PRKN: variants seen among roughly 807,000 people sequenced by gnomAD.
PRKN encodes the protein parkin RBR E3 ubiquitin protein ligase.
Under a neutral mutation model 59.5 loss-of-function variants are expected in PRKN, and 56 were observed. That is an observed-to-expected ratio of 0.94 (90% CI 0.76 to 1.18). The LOEUF is 1.18. Among genes scored for constraint, PRKN ranks in the 50% most tolerant of loss-of-function variants. PRKN has a pLI of 0.00. For missense variants in PRKN, 657 were observed against 596.4 expected, an observed-to-expected ratio of 1.10 and a Z score of -1.06; for synonymous variants, 250 against 222.1, an observed-to-expected ratio of 1.13 and a Z score of -1.12.
chr6:161,746,181 A>C, intron 7 of PRKN, among the ~76,000 whole-genome samples: 1 of 152,186 alleles, frequency 6.6e-6, no homozygotes, highest in East Asian at 1.9e-4. Flanking sequence ...TGAAACTAAG[A>C]TGTAAATACA....
chr6:161,735,185 C>T (rs1787913492), intron 7 of PRKN, among the ~76,000 whole-genome samples: 1 of 151,146 alleles, frequency 6.6e-6, no homozygotes, highest in Non-Finnish European at 1.5e-5. Context: ...TACAGTTGAC[C>T]CTTGGATGAC....
At chr6:161,900,909 A>ATT (rs1355409254) in intron 6 of PRKN, among the ~76,000 whole-genome samples, 3 of 106,894 alleles carry the variant, frequency 2.8e-5, no homozygotes, top group African/African-American at 1.1e-4. Flanking sequence ...CATATGTTAA[A>ATT]TTGTATATAT....
Position 161,592,611 on chromosome 6 carries a change from C to T in PRKN, c.872-23195G>A, listed in dbSNP as rs568667688. ...CTCCACTAGATGATACTTAAGTACA[C>T]AAACTAAAGAGAGAAAACCCTAAGG... On this transcript the variant is annotated intron_variant, in intron 7 of 11. Transcript: ENST00000366898. This position sits in a 1 kb window ranked among gnomAD's most constrained non-coding sequence, Gnocchi z 4.8. 6.6e-6 allele frequency among the ~76,000 whole-genome samples: 1 copy of T among 152,140 alleles called. No homozygotes were observed. Among genetic ancestry groups the T allele is most frequent in the Non-Finnish European group, 1.5e-5 (1 of 67,998 alleles).
rs1391631656 is a variant in PRKN, at chr6:161,397,339, C to G, written c.1084-10462G>C. ...TGTACTCCATGATACAATGCACAAT[C>G]ATGGGTTGAATTGAGTATTCTTGTG... is the stretch of plus-strand genomic sequence containing the variant. On this transcript the variant is annotated intron_variant, in intron 9 of 11. Coordinates refer to ENST00000366898, the MANE Select transcript of PRKN (RefSeq NM_004562.3). The surrounding 1 kb of genome is among the most constrained non-coding windows in gnomAD (Gnocchi z 4.2). 6.6e-6 allele frequency among the ~76,000 whole-genome samples: 1 copy of G among 152,202 alleles called. No individual in the cohort carries two copies. Among genetic ancestry groups the G allele is most frequent in the Non-Finnish European group, 1.5e-5 (1 of 68,040 alleles).
At chr6:161,901,769 G>A (rs1295453986) in intron 6 of PRKN, among the ~76,000 whole-genome samples, 2 of 152,186 alleles carry the variant, frequency 1.3e-5, no homozygotes, top group Non-Finnish European at 2.9e-5. Flanking sequence ...AAGACTCAGT[G>A]ATTTATGCAT....
intron 2 of PRKN, among the ~76,000 whole-genome samples, chr6:162,265,429 C>T (rs760929614): frequency 6.6e-6 from 1 of 152,076 alleles, no homozygotes; most frequent in Non-Finnish European, 1.5e-5. Context: ...AGTAGCTCAC[C>T]CCTATAATCC....
intron 2 of PRKN, among the ~76,000 whole-genome samples, chr6:162,318,055 T>C (rs2128120516): frequency 6.6e-6 from 1 of 152,118 alleles, no homozygotes; most frequent in East Asian, 2.0e-4. Context: ...TCCATACCCA[T>C]TAAACACTCA....
At chr6:162,314,978 A>T (rs1782686412) in intron 2 of PRKN, among the ~76,000 whole-genome samples, 2 of 152,166 alleles carry the variant, frequency 1.3e-5, no homozygotes, top group South Asian at 4.1e-4. Flanking sequence ...TTCACAGTAG[A>T]TCACCAGGGT....
intron 4 of PRKN, among the ~76,000 whole-genome samples, chr6:162,081,186 A>G (rs1410158407): frequency 6.6e-6 from 1 of 151,900 alleles, no homozygotes; most frequent in Non-Finnish European, 1.5e-5. Flanking sequence ...ATTAATCTTC[A>G]TATTTTGACC....
rs960279743 is a variant in PRKN, at chr6:162,165,048, A to C, written c.534+36083T>G. Among the ~76,000 whole-genome samples, 3 of 148,644 alleles carry C rather than the reference A, an allele frequency of 2.0e-5. 1 individual carries two copies. The highest frequency in any genetic ancestry group is 4.5e-5 in the Non-Finnish European group (3 of 67,288). ...CAGGCTTATTTGGAATTTAGGGCTC[A>C]GAAATAGACCTACACATACATGACA... On this transcript the variant is annotated intron_variant, in intron 4 of 11. Coordinates refer to ENST00000366898, the MANE Select transcript of PRKN (RefSeq NM_004562.3).
At chr6:162,516,590 A>G (rs1428282672) in intron 1 of PRKN, among the ~76,000 whole-genome samples, 1 of 152,054 alleles carries the variant, frequency 6.6e-6, no homozygotes, top group Non-Finnish European at 1.5e-5. Context: ...TGTCTCTACT[A>G]AAAATACAAA....
At chr6:162,686,394 C>T (rs924761122) in intron 1 of PRKN, among the ~76,000 whole-genome samples, 7 of 152,050 alleles carry the variant, frequency 4.6e-5, no homozygotes, top group Non-Finnish European at 7.4e-5. Context: ...GGTGGTGTAA[C>T]GGCTGATTTT....
intron 6 of PRKN, among the ~76,000 whole-genome samples, chr6:161,811,554 C>G (rs567088868): frequency 1.3e-5 from 2 of 152,230 alleles, no homozygotes; most frequent in South Asian, 4.2e-4. Context: ...TAACCATTGT[C>G]CCTTACATCA....
chr6:162,661,656 G>A (rs762315873), intron 1 of PRKN, among the ~76,000 whole-genome samples: 3 of 152,070 alleles, frequency 2.0e-5, no homozygotes, highest in African/African-American at 2.4e-5. Context: ...TTCACCAAAC[G>A]CAGTTTGTTG....
At chr6:162,077,284 CT>C (rs1778866706) in intron 4 of PRKN, among the ~76,000 whole-genome samples, 1 of 152,128 alleles carries the variant, frequency 6.6e-6, no homozygotes, top group African/African-American at 2.4e-5. Flanking sequence ...GAGCAATAGG[CT>C]GACCTATTCT....
intron 1 of PRKN, among the ~76,000 whole-genome samples, chr6:162,479,263 T>C (rs956889225): frequency 9.9e-5 from 15 of 152,002 alleles, no homozygotes; most frequent in African/African-American, 3.6e-4. Flanking sequence ...TCATGCTCTG[T>C]TGCCCGGGTT....
At chr6:162,455,274 C>T (rs562611723) in intron 1 of PRKN, among the ~76,000 whole-genome samples, 1 of 152,032 alleles carries the variant, frequency 6.6e-6, no homozygotes, top group East Asian at 1.9e-4. Context: ...CATAGCCAGC[C>T]ATCCACCCAT....
rs111635213 is a variant in PRKN at position 161,393,372 on chromosome 6, T to A, written c.1084-6495A>T. Among the ~76,000 whole-genome samples the A allele has an allele frequency of 7.6e-4, 116 of 152,234 alleles. No individual in the cohort carries two copies. Among genetic ancestry groups the A allele is most frequent in the African/African-American group, 2.5e-3 (104 of 41,506 alleles). ...AAATGCCACACTTGTAAACTACTCATAAGACATAAGACTGCTGTCTAGAAA... is the reference window on the plus strand; with the variant it reads ...AAATGCCACACTTGTAAACTACTCAAAAGACATAAGACTGCTGTCTAGAAA... On this transcript the variant is annotated intron_variant, in intron 9 of 11. Coordinates refer to ENST00000366898, the MANE Select transcript of PRKN (RefSeq NM_004562.3). This position sits in a 1 kb window ranked among gnomAD's most constrained non-coding sequence, Gnocchi z 4.7.
At chr6:162,118,605 C>T (rs1780776080) in intron 4 of PRKN, among the ~76,000 whole-genome samples, 1 of 152,190 alleles carries the variant, frequency 6.6e-6, no homozygotes, top group Non-Finnish European at 1.5e-5. Context: ...GAAGTCCTAA[C>T]CTTGAAATGC....
Sources: allele counts gnomAD v4.1 joint callset (sites outside exome capture counted in the v4.1 genomes callset), GRCh38; gene constraint gnomAD v4.1.1; non-coding constraint Gnocchi (gnomAD v3.1); transcripts MANE v1.5; gene names NCBI Gene and HGNC (gene_info 2026-07-23, HGNC 2026-07-21).